RGS6: variants seen among roughly 807,000 people sequenced by gnomAD.
RGS6 encodes the protein regulator of G protein signaling 6.
A neutral mutation model predicts 78.5 loss-of-function variants in RGS6; 30 were observed. That is an observed-to-expected ratio of 0.38 (90% CI 0.29 to 0.52). The LOEUF (loss-of-function observed/expected upper bound fraction) is 0.52. Among genes scored for constraint, RGS6 ranks in the 20% least tolerant of loss-of-function variants. RGS6 has a pLI of 0.85. For synonymous variants in RGS6, 206 were observed against 206.0 expected, an observed-to-expected ratio of 1.00 and a Z score of 0.00; for missense variants, 495 against 609.7, an observed-to-expected ratio of 0.81 and a Z score of 1.98.
intron 2 of RGS6, among the ~76,000 whole-genome samples, chr14:72,234,219 A>G (rs1274314328): frequency 1.3e-5 from 2 of 151,944 alleles, no homozygotes; most frequent in African/African-American, 4.8e-5. Flanking sequence ...TCATCTCTTG[A>G]CATGACCCCA....
At chr14:72,021,713 C>T (rs2088614924) in intron 2 of RGS6, among the ~76,000 whole-genome samples, 1 of 151,868 alleles carries the variant, frequency 6.6e-6, no homozygotes, top group African/African-American at 2.4e-5. Context: ...CTCAGGTGAG[C>T]CACCCTCCTC....
chr14:72,264,489 T>C (rs1558072), intron 2 of RGS6, among the ~76,000 whole-genome samples: 85,583 of 151,766 alleles, frequency 0.56, 24,505 homozygotes, highest in African/African-American at 0.65. Context: ...GTACAACTTA[T>C]TTTCCGGGAG....
At chr14:71,980,463 A>G in intron 2 of RGS6, among the ~76,000 whole-genome samples, 1 of 142,710 alleles carries the variant, frequency 7.0e-6, no homozygotes, top group Non-Finnish European at 1.5e-5. Flanking sequence ...CCTGGTGGTG[A>G]CAAAATCTCT....
intron 2 of RGS6, among the ~76,000 whole-genome samples, chr14:71,973,080 G>A (rs376173739): frequency 2.2e-4 from 34 of 152,268 alleles, no homozygotes; most frequent in African/African-American, 7.5e-4. Context: ...ATGGCCATGC[G>A]TAAGTTGTTC....
intron 2 of RGS6, among the ~76,000 whole-genome samples, chr14:72,284,258 G>T (rs2062087289): frequency 6.6e-6 from 1 of 152,176 alleles, no homozygotes; most frequent in African/African-American, 2.4e-5. Context: ...AAGTAACAAG[G>T]AACCAAATGT....
intron 2 of RGS6, among the ~76,000 whole-genome samples, chr14:72,117,704 ACT>A (rs2095935627): frequency 6.6e-6 from 1 of 151,986 alleles, no homozygotes; most frequent in Non-Finnish European, 1.5e-5. Flanking sequence ...TCTACATTTA[ACT>A]CTGGCTACTC....
At chr14:72,516,387 T>G (rs1369262943) in intron 14 of RGS6, among the ~76,000 whole-genome samples, 1 of 152,022 alleles carries the variant, frequency 6.6e-6, no homozygotes, top group Non-Finnish European at 1.5e-5. Context: ...ACCTGAACAA[T>G]GAGGTAGGGG....
At chr14:72,574,211 C>A in the RGS6 span, among the ~76,000 whole-genome samples, 3 of 152,302 alleles carry the variant, frequency 2.0e-5, no homozygotes, top group Admixed American at 6.5e-5. Context: ...GGATTCTGAG[C>A]TTTGGGCAGG....
intron 2 of RGS6, among the ~76,000 whole-genome samples, chr14:72,038,457 T>G (rs11845892): frequency 6.6e-6 from 1 of 152,138 alleles, no homozygotes; most frequent in Non-Finnish European, 1.5e-5. Context: ...ATTAGGTTTG[T>G]GCTAAATTTA....
chr14:72,157,780 A>C (rs1312691399), intron 2 of RGS6, among the ~76,000 whole-genome samples: 1 of 152,138 alleles, frequency 6.6e-6, no homozygotes, highest in African/African-American at 2.4e-5. Flanking sequence ...GGGAAGAGTA[A>C]GGGGAACAAT....
At chr14:72,212,147 G>A (rs2044330324) in intron 2 of RGS6, among the ~76,000 whole-genome samples, 1 of 152,166 alleles carries the variant, frequency 6.6e-6, no homozygotes, top group Non-Finnish European at 1.5e-5. Flanking sequence ...TAGAATAGCT[G>A]TGACCGGCAG....
At chr14:72,443,651 A>C (rs2095277257) in intron 3 of RGS6, among the ~76,000 whole-genome samples, 1 of 152,208 alleles carries the variant, frequency 6.6e-6, no homozygotes, top group African/African-American at 2.4e-5. Context: ...TGCACAAATG[A>C]AGTGACCGTT....
chr14:72,398,973 T>C (rs932558980), intron 3 of RGS6, among the ~76,000 whole-genome samples: 26 of 152,074 alleles, frequency 1.7e-4, no homozygotes, highest in African/African-American at 5.6e-4. Flanking sequence ...TACTTCCAAC[T>C]ATGTGGTCAA....
intron 16 of RGS6, among the ~76,000 whole-genome samples, chr14:72,538,424 C>T (rs2097277994): frequency 6.6e-6 from 1 of 152,186 alleles, no homozygotes; most frequent in African/African-American, 2.4e-5. Flanking sequence ...ATCAGGTTCT[C>T]AGGGGGTAGG....
chr14:72,395,801 C>A (rs1309653362), intron 3 of RGS6, among the ~76,000 whole-genome samples: 1 of 151,796 alleles, frequency 6.6e-6, no homozygotes, highest in African/African-American at 2.4e-5. Context: ...TTTTCCCTTG[C>A]GATAGTTTGC....
intron 16 of RGS6, among the ~76,000 whole-genome samples, chr14:72,539,644 C>CCAGGGCCA (rs1447590393): frequency 5.9e-5 from 9 of 152,290 alleles, no homozygotes; most frequent in African/African-American, 1.9e-4. Flanking sequence ...CCCCAGGGCC[C>CCAGGGCCA]CAGGGCCACA....
intron 2 of RGS6, among the ~76,000 whole-genome samples, chr14:72,160,515 C>T (rs1212626916): frequency 6.6e-6 from 1 of 152,068 alleles, no homozygotes; most frequent in Non-Finnish European, 1.5e-5. Context: ...ATTGTGTTCC[C>T]CTAAAATTCC....
intron 2 of RGS6, among the ~76,000 whole-genome samples, chr14:72,044,964 A>C (rs896467544): frequency 1.3e-5 from 2 of 152,196 alleles, no homozygotes; most frequent in African/African-American, 4.8e-5. Context: ...GCAGTCCCGC[A>C]GTTTCTTAGG....
At chr14:72,570,562 G>C (rs1032431530), downstream of RGS6, among the ~76,000 whole-genome samples, 6 of 152,196 alleles carry the variant, frequency 3.9e-5, no homozygotes, top group Admixed American at 3.3e-4. Flanking sequence ...GCAGTGCTTG[G>C]TGCAACTCCA....
Sources: gnomAD v4.1 joint callset for allele counts (sites outside exome capture counted in the v4.1 genomes callset) on GRCh38, gnomAD v4.1.1 for gene constraint, MANE v1.5 for transcripts, NCBI Gene and HGNC (gene_info 2026-07-23, HGNC 2026-07-21) for gene names.